The following BTBD9 variants were observed in gnomAD, a reference collection of about 807,000 sequenced individuals.
BTBD9 encodes the protein BTB/POZ domain-containing protein 9.
A neutral mutation model predicts 64.3 loss-of-function variants in BTBD9; 49 were observed. That is an observed-to-expected ratio of 0.76 (90% CI 0.61 to 0.97). The LOEUF (loss-of-function observed/expected upper bound fraction) is 0.97. Among genes scored for constraint, BTBD9 ranks in the 50% least tolerant of loss-of-function variants. BTBD9 has a pLI of 0.00. For synonymous variants in BTBD9, 260 were observed against 274.7 expected, an observed-to-expected ratio of 0.95 and a Z score of 0.53; for missense variants, 598 against 762.1, an observed-to-expected ratio of 0.78 and a Z score of 2.53.
intron 6 of BTBD9, among the ~76,000 whole-genome samples, chr6:38,352,899 G>A (rs1182820941): frequency 6.6e-6 from 1 of 152,172 alleles, no homozygotes; most frequent in Non-Finnish European, 1.5e-5. Flanking sequence ...TGGGTGCTGG[G>A]ATATGGGACT....
At chr6:38,473,855 A>G (rs1770759093) in intron 6 of BTBD9, among the ~76,000 whole-genome samples, 2 of 152,240 alleles carry the variant, frequency 1.3e-5, no homozygotes, top group Non-Finnish European at 2.9e-5. Context: ...TCTCTCTGGT[A>G]GTAAAAACTG....
At chr6:38,201,764 T>G (rs1435911986) in intron 9 of BTBD9, among the ~76,000 whole-genome samples, 1 of 152,160 alleles carries the variant, frequency 6.6e-6, no homozygotes, top group Non-Finnish European at 1.5e-5. Flanking sequence ...AAAACCATCA[T>G]ACAAAATTCA....
intron 6 of BTBD9, among the ~76,000 whole-genome samples, chr6:38,455,024 A>G (rs1479577481): frequency 6.6e-6 from 1 of 152,200 alleles, no homozygotes; most frequent in Non-Finnish European, 1.5e-5. Flanking sequence ...TTGGCCTTCC[A>G]GCACAACAAG....
At chr6:38,343,043 G>A (rs575219557) in intron 7 of BTBD9, among the ~76,000 whole-genome samples, 75 of 152,268 alleles carry the variant, frequency 4.9e-4, no homozygotes, top group Admixed American at 1.4e-3. Context: ...CTGCCTACCT[G>A]CACCACTGCT....
chr6:38,233,877 T>C (rs1763692708), intron 9 of BTBD9, among the ~76,000 whole-genome samples: 1 of 152,244 alleles, frequency 6.6e-6, no homozygotes, highest in African/African-American at 2.4e-5. Context: ...AAGGGCAAAT[T>C]TGATTTTCAA....
chr6:38,221,939 T>C (rs1763210874), intron 9 of BTBD9, among the ~76,000 whole-genome samples: 1 of 151,884 alleles, frequency 6.6e-6, no homozygotes, highest in Non-Finnish European at 1.5e-5. Context: ...TGCAGTGAGC[T>C]GAGAGTGCAC....
intron 7 of BTBD9, among the ~76,000 whole-genome samples, chr6:38,309,174 A>C (rs1762737368): frequency 6.6e-6 from 1 of 151,474 alleles, no homozygotes. Flanking sequence ...GTTCGAGACC[A>C]GCCTGGCCAA....
At chr6:38,339,500 A>C (rs375534025) in intron 7 of BTBD9, among the ~76,000 whole-genome samples, 4 of 152,148 alleles carry the variant, frequency 2.6e-5, no homozygotes, top group Non-Finnish European at 4.4e-5. Context: ...AAAGAAAAAG[A>C]AGCACAGTAA....
chr6:38,366,015 G>GA (rs1440182919), intron 6 of BTBD9, among the ~76,000 whole-genome samples: 7 of 152,148 alleles, frequency 4.6e-5, no homozygotes, highest in Non-Finnish European at 7.4e-5. Context: ...TCAAAAGGAT[G>GA]AAATTATATT....
intron 6 of BTBD9, among the ~76,000 whole-genome samples, chr6:38,418,596 C>A (rs1022244310): frequency 1.3e-5 from 2 of 152,162 alleles, no homozygotes; most frequent in Non-Finnish European, 2.9e-5. Context: ...TATTGCTCAA[C>A]CTGTTTTTAA....
chr6:38,572,716 A>T (rs973195008), intron 6 of BTBD9, among the ~76,000 whole-genome samples: 4 of 151,910 alleles, frequency 2.6e-5, no homozygotes, highest in Admixed American at 2.6e-4. Context: ...ACCTGAAAAG[A>T]TCTATGCAAA....
intron 7 of BTBD9, among the ~76,000 whole-genome samples, chr6:38,319,452 T>C (rs1043285624): frequency 2.0e-5 from 3 of 151,874 alleles, no homozygotes; most frequent in Admixed American, 6.6e-5. Context: ...TGTGTACTAC[T>C]TGGTTACCAC....
intron 6 of BTBD9, among the ~76,000 whole-genome samples, chr6:38,565,167 C>T (rs1026023136): frequency 6.6e-6 from 1 of 152,146 alleles, no homozygotes; most frequent in African/African-American, 2.4e-5. Context: ...TTTCCTTTCA[C>T]CCTTTTAATG....
intron 9 of BTBD9, among the ~76,000 whole-genome samples, chr6:38,211,435 GA>G (rs11451936): frequency 2.8e-3 from 381 of 134,664 alleles, no homozygotes; most frequent in African/African-American, 5.9e-3. Context: ...TCTCACAAAA[GA>G]AAAAAAAAAA....
chr6:38,589,791 A>G (rs1468774792), intron 4 of BTBD9, among the ~76,000 whole-genome samples: 1 of 152,050 alleles, frequency 6.6e-6, no homozygotes, highest in African/African-American at 2.4e-5. Flanking sequence ...AATTTTCTTG[A>G]CCTCCCTATC....
At chr6:38,178,918 T>C (rs953079923) in intron 10 of BTBD9, among the ~76,000 whole-genome samples, 1 of 152,128 alleles carries the variant, frequency 6.6e-6, no homozygotes, top group Non-Finnish European at 1.5e-5. Context: ...AGGGGGGCTA[T>C]CTCAGCTCAC....
chr6:38,553,971 C>T (rs1284439920), intron 6 of BTBD9, among the ~76,000 whole-genome samples: 1 of 152,078 alleles, frequency 6.6e-6, no homozygotes, highest in East Asian at 1.9e-4. Context: ...AAACAAAACA[C>T]ACTATTTACT....
intron 10 of BTBD9, 56 bp from the exon 11 acceptor site, chr6:38,175,238 G>A: frequency 1.9e-6 from 3 of 1,573,656 alleles, no homozygotes; most frequent in Middle Eastern, 1.7e-4. Context: ...CGGCCCTGGA[G>A]TTGCCGCAAG....
intron 4 of BTBD9, among the ~76,000 whole-genome samples, chr6:38,585,485 A>C (rs1053244183): frequency 2.6e-5 from 4 of 152,048 alleles, no homozygotes; most frequent in Admixed American, 6.6e-5. Flanking sequence ...ATTTAAAAAA[A>C]ATTTTTTAGA....
Sources: allele counts gnomAD v4.1 joint callset (sites outside exome capture counted in the v4.1 genomes callset), GRCh38; gene constraint gnomAD v4.1.1; transcripts MANE v1.5; gene names NCBI Gene and HGNC (gene_info 2026-07-23, HGNC 2026-07-21).